Variants in SCARB2 observed in about 807,000 individuals in gnomAD.
The protein encoded by SCARB2 is lysosome membrane protein 2.
In SCARB2, 29 loss-of-function variants were observed where a neutral mutation model predicts 58.6. The ratio of observed to expected loss-of-function variants is 0.49; its 90% CI spans 0.37 to 0.67. The LOEUF is 0.67. SCARB2 is among the 30% of genes least tolerant of loss of function. The pLI is 0.00. For synonymous variants in SCARB2, 195 were observed against 210.1 expected, an observed-to-expected ratio of 0.93 and a Z score of 0.62; for missense variants, 488 against 578.5, an observed-to-expected ratio of 0.84 and a Z score of 1.60.
intron 2 of SCARB2, among the ~76,000 whole-genome samples, chr4:76,188,930 T>C (rs1732543638): frequency 6.6e-6 from 1 of 152,232 alleles, no homozygotes; most frequent in South Asian, 2.1e-4. Context: ...CAGGGCCTGA[T>C]TCCCCTTTCT....
At chr4:76,170,298 C>T (rs1396075785) in intron 7 of SCARB2, among the ~76,000 whole-genome samples, 1 of 152,090 alleles carries the variant, frequency 6.6e-6, no homozygotes, top group Non-Finnish European at 1.5e-5. Context: ...TTATTTAATG[C>T]TCCCAACAGC....
At chr4:76,205,509 C>G (rs1312155752) in intron 1 of SCARB2, among the ~76,000 whole-genome samples, 11 of 152,140 alleles carry the variant, frequency 7.2e-5, no homozygotes, top group Admixed American at 6.5e-4. Flanking sequence ...ATGTATATCT[C>G]TCTCAAAACA....
intron 2 of SCARB2, among the ~76,000 whole-genome samples, chr4:76,189,100 G>T (rs1282309766): frequency 6.6e-6 from 1 of 152,176 alleles, no homozygotes; most frequent in East Asian, 1.9e-4. Context: ...AACCACAGTT[G>T]AAGATGTTTA....
chr4:76,226,033 T>C lies in SCARB2; in HGVS notation c.-358+8270A>G, dbSNP rs1733391485. ...CATCCGGTCCTGGACTTCTTTTTGT[T>C]GGCAGTATTTTTTATTACTGTTTGT... On this transcript the variant is annotated intron_variant, in intron 1 of 11. Transcript: ENST00000638295. Among the ~76,000 whole-genome samples, 3 of 152,350 alleles carry C rather than the reference T, an allele frequency of 2.0e-5. No homozygotes were observed. The South Asian group carries it at 6.2e-4, about 32-fold the overall frequency.
chr4:76,166,619 T>G (rs1732014613), intron 9 of SCARB2: 1 of 442,976 alleles, frequency 2.3e-6, no homozygotes, highest in East Asian at 4.6e-5. Context: ...GAGTGTTTTG[T>G]AACTAGGCCA....
At chr4:76,175,565 A>G in intron 6 of SCARB2, 1 of 561,060 alleles carries the variant, frequency 1.8e-6, no homozygotes, top group Non-Finnish European at 3.2e-6. Context: ...AATTTGCCCA[A>G]GGTCACACAG....
intron 10 of SCARB2, chr4:76,166,028 G>C (rs535403368): frequency 6.5e-6 from 4 of 615,772 alleles, no homozygotes; most frequent in Non-Finnish European, 1.2e-5. Context: ...TGCCCAAATA[G>C]TGTTCTTGAG....
At chr4:76,224,285 TC>T (rs1159538430) in intron 1 of SCARB2, among the ~76,000 whole-genome samples, 1 of 152,198 alleles carries the variant, frequency 6.6e-6, no homozygotes, top group Non-Finnish European at 1.5e-5. Context: ...ATTGCCTTTA[TC>T]CGAAGGAAAA....
In SCARB2 at chr4:76,179,827, C is replaced by G. The variant is rs374730611; in HGVS notation, c.424-122G>C. The G allele has an allele frequency of 3.6e-6, 3 of 832,386 alleles. No homozygotes were observed. In the Admixed American group the frequency reaches 5.3e-5, roughly 15 times the overall value. The allele number at this position is 832,386 out of a possible 1,614,324, so 51.6% of individuals were successfully genotyped here. A position where few individuals can be genotyped will look rare whatever the true frequency, so the allele number is the denominator to read the frequency against. On this transcript the variant is annotated intron_variant, in intron 3 of 11. Coordinates refer to ENST00000264896, the MANE Select transcript of SCARB2 (RefSeq NM_005506.4). Reference sequence around the variant, plus strand: ...AAATGTAAAGGTTGAGATTAAATAGCTGAAAAATCAGGCAGTGAGCTCCTT... The same window carrying G: ...AAATGTAAAGGTTGAGATTAAATAGGTGAAAAATCAGGCAGTGAGCTCCTT...
intron 1 of SCARB2, among the ~76,000 whole-genome samples, chr4:76,231,058 G>A (rs908879998): frequency 2.6e-5 from 4 of 152,122 alleles, no homozygotes; most frequent in Non-Finnish European, 5.9e-5. Flanking sequence ...CAGGGGAGTT[G>A]CATGGACTCC....
In SCARB2 at chr4:76,169,886, G is replaced by C; in HGVS notation, c.1094C>G (p.Thr365Arg). The change falls in exon 8 of 12, where the codon ACA becomes AGA. Residue 365 changes from threonine to arginine, a missense_variant. Coordinates refer to ENST00000264896, the MANE Select transcript of SCARB2 (RefSeq NM_005506.4). ...ACTCACAGGATTAATGTCCACAAAT[G>C]TCTCATGGTCTTCCTGATTTGGGTG... is the stretch of plus-strand genomic sequence containing the variant. ...GMHPNQEDHE[T>R]FVDINPLTGI... 6.2e-7 allele frequency: 1 copy of C among 1,613,014 alleles called. No homozygotes were observed. The highest frequency in any genetic ancestry group is 8.5e-7 in the Non-Finnish European group (1 of 1,178,978).
chr4:76,161,633 CAAG>C lies in SCARB2; in HGVS notation c.*77_*79del. 4.1e-6 allele frequency: 6 copies of C among 1,447,894 alleles called. No individual in the cohort carries two copies. Among genetic ancestry groups the C allele is most frequent in the Non-Finnish European group, 5.8e-6 (6 of 1,028,772 alleles). The allele number at this position is 1,447,894 out of a possible 1,614,324, so 89.7% of individuals were successfully genotyped here. Reference sequence around the variant, plus strand: ...CTTCTTTCAACAGGCAACAAGCCTGCAAGGAGGTGGAGGGTTTCCCCACGTCAT... The same window carrying C: ...CTTCTTTCAACAGGCAACAAGCCTGCGAGGTGGAGGGTTTCCCCACGTCAT... On this transcript the variant is annotated 3_prime_UTR_variant, in exon 12 of 12. Transcript: ENST00000264896.
chr4:76,210,436 A>T (rs531668675), intron 1 of SCARB2, among the ~76,000 whole-genome samples: 1 of 152,336 alleles, frequency 6.6e-6, no homozygotes, highest in Non-Finnish European at 1.5e-5. Flanking sequence ...CTAGGTGTCA[A>T]GGCAGTTCAC....
rs1731840440 is a variant in SCARB2 at position 76,159,077 on chromosome 4, T to C, written c.*2636A>G. 1 of 152,252 alleles carries C rather than the reference T, an allele frequency of 6.6e-6. No homozygotes were observed. Among genetic ancestry groups the C allele is most frequent in the Non-Finnish European group, 1.5e-5 (1 of 68,052 alleles). The allele number at this position is 152,252 out of a possible 1,614,324, so 9.4% of individuals were successfully genotyped here. On this transcript the variant is annotated 3_prime_UTR_variant, in exon 12 of 12. Coordinates refer to ENST00000264896, the MANE Select transcript of SCARB2 (RefSeq NM_005506.4). Reference sequence around the variant, plus strand: ...GAAATCAAGTCTGGTTAGAAAAGCCTGGAGCTAAAAGTGGCAAAGCCCATT... The same window carrying C: ...GAAATCAAGTCTGGTTAGAAAAGCCCGGAGCTAAAAGTGGCAAAGCCCATT...
In SCARB2 at chr4:76,181,036, T is replaced by C. The variant is rs1311341944; in HGVS notation, c.341A>G (p.Asn114Ser). Reference sequence around the variant, plus strand: ...GTCTCGTTCAAAAACATAGGCCTTGTTGCTAACAGCAGATATTGTTGTTCC... The same window carrying C: ...GTCTCGTTCAAAAACATAGGCCTTGCTGCTAACAGCAGATATTGTTGTTCC... ...DNGTTISAVS[N>S]KAYVFERDQS... Residue 114 changes from asparagine to serine, a missense_variant, in exon 3 of 12, where the codon AAC becomes AGC. Coordinates refer to ENST00000264896, the MANE Select transcript of SCARB2 (RefSeq NM_005506.4). The C allele has an allele frequency of 6.2e-7, 1 of 1,613,754 alleles. No homozygotes were observed. The highest frequency in any genetic ancestry group is 2.2e-5 in the East Asian group (1 of 44,804).
At chr4:76,224,548 T>G (rs563041537) in intron 1 of SCARB2, among the ~76,000 whole-genome samples, 3 of 152,204 alleles carry the variant, frequency 2.0e-5, no homozygotes, top group African/African-American at 7.2e-5. Flanking sequence ...GAATAAACAA[T>G]TATAACTTTT....
intron 1 of SCARB2, among the ~76,000 whole-genome samples, chr4:76,200,992 A>C (rs1287651010): frequency 6.6e-6 from 1 of 152,174 alleles, no homozygotes; most frequent in Non-Finnish European, 1.5e-5. Flanking sequence ...AAGGGAACAG[A>C]TACTCCACCC....
intron 1 of SCARB2, among the ~76,000 whole-genome samples, chr4:76,222,840 G>T (rs1484047518): frequency 6.6e-6 from 1 of 152,198 alleles, no homozygotes; most frequent in Non-Finnish European, 1.5e-5. Context: ...CTACCATGGA[G>T]GACTAGTAAG....
At chr4:76,173,840 C>A (rs1732185340) in intron 7 of SCARB2, 3 of 351,574 alleles carry the variant, frequency 8.5e-6, no homozygotes, top group South Asian at 3.1e-5. Flanking sequence ...CACAGAAAAG[C>A]CATGATTTTT....
Sources: gnomAD v4.1 joint callset for allele counts (sites outside exome capture counted in the v4.1 genomes callset) on GRCh38, gnomAD v4.1.1 for gene constraint, MANE v1.5 for transcripts, NCBI Gene and HGNC (gene_info 2026-07-23, HGNC 2026-07-21) for gene names.